Variants in TTC7A observed in about 807,000 individuals in gnomAD.
TTC7A encodes the protein tetratricopeptide repeat protein 7A.
TTC7A carries 110 observed loss-of-function variants against 103.7 expected under a neutral mutation model. The ratio of observed to expected loss-of-function variants is 1.06; its 90% CI spans 0.91 to 1.24. The LOEUF (loss-of-function observed/expected upper bound fraction) is 1.24. TTC7A is among the 50% of genes most tolerant of loss of function. The pLI is 0.00. For synonymous variants in TTC7A, 521 were observed against 467.9 expected, an observed-to-expected ratio of 1.11 and a Z score of -1.47; for missense variants, 1,340 against 1,116.3, an observed-to-expected ratio of 1.20 and a Z score of -2.86.
chr2:46,980,535 A>G (rs1206853128), intron 5 of TTC7A, among the ~76,000 whole-genome samples: 1 of 152,150 alleles, frequency 6.6e-6, no homozygotes. Context: ...AATACAACAC[A>G]GGTCATTTCT....
chr2:46,967,445 T>G (rs1245609755), intron 3 of TTC7A, among the ~76,000 whole-genome samples: 2 of 152,080 alleles, frequency 1.3e-5, no homozygotes, highest in Non-Finnish European at 2.9e-5. Flanking sequence ...CAACCACTCT[T>G]CTATTTTCTG....
intron 15 of TTC7A, among the ~76,000 whole-genome samples, chr2:47,030,596 T>C (rs2104599471): frequency 6.6e-6 from 1 of 151,598 alleles, no homozygotes; most frequent in Non-Finnish European, 1.5e-5. Context: ...AAGAGGGGAG[T>C]CCCAGTGGCC....
intron 11 of TTC7A, among the ~76,000 whole-genome samples, chr2:47,012,325 C>G (rs1678161404): frequency 6.6e-6 from 1 of 152,250 alleles, no homozygotes; most frequent in Non-Finnish European, 1.5e-5. Context: ...CAACACAGAG[C>G]AAGCGCATTC....
At chr2:46,990,332 C>G (rs1255902768) in intron 5 of TTC7A, among the ~76,000 whole-genome samples, 1 of 152,194 alleles carries the variant, frequency 6.6e-6, no homozygotes, top group Non-Finnish European at 1.5e-5. Flanking sequence ...GAGACAGAGG[C>G]CTCAGTGGAA....
chr2:46,940,592 G>A (rs114217448), upstream of TTC7A, among the ~76,000 whole-genome samples: 1,610 of 152,372 alleles, frequency 0.011, 33 homozygotes, highest in African/African-American at 0.036. The surrounding 1 kb of genome is among the most constrained non-coding windows in gnomAD (Gnocchi z 4.7). Flanking sequence ...TGGTGAAACA[G>A]CCTAAAGCCT....
At chr2:47,063,071 A>T (rs1683918695) in intron 19 of TTC7A, among the ~76,000 whole-genome samples, 1 of 152,218 alleles carries the variant, frequency 6.6e-6, no homozygotes, top group Non-Finnish European at 1.5e-5. Flanking sequence ...AGACATTTGA[A>T]CACTTTAGTG....
intron 5 of TTC7A, among the ~76,000 whole-genome samples, chr2:46,990,896 G>T (rs1409174508): frequency 6.6e-6 from 1 of 152,130 alleles, no homozygotes; most frequent in Non-Finnish European, 1.5e-5. Flanking sequence ...AGATTGCTGG[G>T]CCCCACCCCA....
intron 18 of TTC7A, among the ~76,000 whole-genome samples, chr2:47,060,401 A>G (rs1683671315): frequency 6.6e-6 from 1 of 152,148 alleles, no homozygotes. Flanking sequence ...TTTAAAAAAA[A>G]GGCTGCAGTG....
At chr2:46,963,468 G>A (rs951192632) in intron 3 of TTC7A, among the ~76,000 whole-genome samples, 1 of 152,194 alleles carries the variant, frequency 6.6e-6, no homozygotes, top group Non-Finnish European at 1.5e-5. Flanking sequence ...CTGTCTATCT[G>A]GAATTCCAGT....
At chr2:46,928,081 G>A (rs1160907544) in intron 2 of TTC7A, among the ~76,000 whole-genome samples, 2 of 151,062 alleles carry the variant, frequency 1.3e-5, no homozygotes, top group African/African-American at 4.9e-5. Context: ...TTGTAGAGAC[G>A]GGTTTTTGCC....
At chr2:47,028,309 G>GT (rs1197714080) in intron 14 of TTC7A, among the ~76,000 whole-genome samples, 1 of 152,214 alleles carries the variant, frequency 6.6e-6, no homozygotes, top group Non-Finnish European at 1.5e-5. Flanking sequence ...CCATAACCCT[G>GT]TTACCACTTG....
intron 5 of TTC7A, among the ~76,000 whole-genome samples, chr2:46,983,132 A>G (rs910056240): frequency 2.0e-5 from 3 of 152,142 alleles, no homozygotes; most frequent in African/African-American, 7.2e-5. Flanking sequence ...TAATTTCTCA[A>G]GTGGTAGGCC....
At chr2:46,965,665 G>A (rs1438438948) in intron 3 of TTC7A, among the ~76,000 whole-genome samples, 1 of 148,882 alleles carries the variant, frequency 6.7e-6, no homozygotes, top group African/African-American at 2.5e-5. Context: ...GGCTTCAAAT[G>A]ATTCTCCTGT....
At chr2:47,056,903 T>C (rs1361417798) in intron 18 of TTC7A, among the ~76,000 whole-genome samples, 1 of 122,680 alleles carries the variant, frequency 8.2e-6, no homozygotes, top group Non-Finnish European at 1.6e-5. Context: ...CCCAAATCTC[T>C]GACCCCTCCC....
chr2:46,953,319 A>G (rs959678997), intron 2 of TTC7A, among the ~76,000 whole-genome samples: 1 of 152,068 alleles, frequency 6.6e-6, no homozygotes, highest in Admixed American at 6.5e-5. Context: ...ACACCCAGCT[A>G]ATTTTTAAAT....
intron 11 of TTC7A, 74 bp downstream of exon 11, chr2:47,011,509 G>A: frequency 8.3e-7 from 1 of 1,203,522 alleles, no homozygotes; most frequent in Non-Finnish European, 1.2e-6. Flanking sequence ...TGCACGTCTT[G>A]ACGTGTATGT....
In TTC7A at chr2:46,950,474, T is replaced by C. The variant is rs1671307672; in HGVS notation, c.296T>C (p.Met99Thr). The part of the protein sequence containing the change: ...MPLLEKNEPK[M>T]SEAKNYLSSI... ...TTGCTGGAGAAGAATGAGCCGAAGA[T>C]GAGCGAAGCCAAAAATTATCTAAGC... The change falls in exon 2 of 20, where the codon ATG becomes ACG. Residue 99 changes from methionine (M) to threonine (T), a missense_variant. Coordinates refer to ENST00000319190, the MANE Select transcript of TTC7A (RefSeq NM_020458.4). 11 of 1,614,154 alleles carry C rather than the reference T, an allele frequency of 6.8e-6. No homozygotes were observed. The East Asian group carries it at 1.1e-4, about 16-fold the overall frequency.
At chr2:47,065,815 G>A (rs1430318600) in intron 19 of TTC7A, 1 of 136,288 alleles carries the variant, frequency 7.3e-6, no homozygotes, top group South Asian at 2.7e-4. Flanking sequence ...GGTGCAGCTT[G>A]TCTGCACTGC....
chr2:46,991,134 T>G (rs1675580745), intron 5 of TTC7A, among the ~76,000 whole-genome samples: 1 of 151,986 alleles, frequency 6.6e-6, no homozygotes, highest in South Asian at 2.1e-4. Context: ...CAGGCTGGTC[T>G]TGAACTACTG....
Sources: gnomAD v4.1 joint callset for allele counts (sites outside exome capture counted in the v4.1 genomes callset) on GRCh38, gnomAD v4.1.1 for gene constraint, Gnocchi (gnomAD v3.1) non-coding constraint, MANE v1.5 for transcripts, NCBI Gene and HGNC (gene_info 2026-07-23, HGNC 2026-07-21) for gene names.